AKAP6: variants seen among roughly 807,000 people sequenced by gnomAD.
AKAP6 encodes A-kinase anchoring protein 6.
A neutral mutation model predicts 188.5 loss-of-function variants in AKAP6; 58 were observed. That is an observed-to-expected ratio of 0.31 (90% CI 0.25 to 0.38). The LOEUF (loss-of-function observed/expected upper bound fraction) is 0.38, where lower values mean the gene tolerates loss of function less well. AKAP6 is among the 10% of genes least tolerant of loss of function. AKAP6 has a pLI of 1.00. For synonymous variants in AKAP6, 989 were observed against 998.6 expected (o/e 0.99, Z 0.18); for missense variants, 2,710 against 2,740.0 (o/e 0.99, Z 0.24).
intron 4 of AKAP6, among the ~76,000 whole-genome samples, chr14:32,552,598 A>G (rs1223025712): frequency 6.6e-6 from 1 of 152,384 alleles, no homozygotes; most frequent in East Asian, 1.9e-4. Flanking sequence ...GGAAAAAAAC[A>G]GACTTAATGA....
intron 9 of AKAP6, 49 bp from the exon 10 acceptor site, chr14:32,732,405 A>G: frequency 3.9e-6 from 6 of 1,557,596 alleles, no homozygotes; most frequent in Non-Finnish European, 4.3e-6. Context: ...ATGATTTTCT[A>G]AGAACACCTC....
At chr14:32,528,142 T>C (rs962858015) in intron 2 of AKAP6, among the ~76,000 whole-genome samples, 1 of 152,222 alleles carries the variant, frequency 6.6e-6, no homozygotes, top group Non-Finnish European at 1.5e-5. Context: ...GTAAGGTCTA[T>C]GTCTAGGATT....
intron 1 of AKAP6, among the ~76,000 whole-genome samples, chr14:32,371,071 A>G (rs751746315): frequency 5.9e-5 from 9 of 151,458 alleles, no homozygotes; most frequent in Non-Finnish European, 8.8e-5. Context: ...AAACTGTGGC[A>G]AGAGAACTTC....
intron 3 of AKAP6, among the ~76,000 whole-genome samples, chr14:32,544,539 A>G (rs1883101786): frequency 6.6e-6 from 1 of 152,166 alleles, no homozygotes; most frequent in Non-Finnish European, 1.5e-5. Context: ...ACAGCTCGCA[A>G]ACACCAGTGG....
At chr14:32,811,738 C>T (rs2034241140) in intron 12 of AKAP6, among the ~76,000 whole-genome samples, 1 of 152,108 alleles carries the variant, frequency 6.6e-6, no homozygotes, top group Non-Finnish European at 1.5e-5. Context: ...CTGTAAAGGG[C>T]ACGGTTCCTA....
At chr14:32,636,052 T>C (rs551574404) in intron 7 of AKAP6, among the ~76,000 whole-genome samples, 2 of 152,154 alleles carry the variant, frequency 1.3e-5, no homozygotes, top group Non-Finnish European at 2.9e-5. Flanking sequence ...GTAAGGACTT[T>C]GTATTTTGCC....
intron 7 of AKAP6, among the ~76,000 whole-genome samples, chr14:32,622,817 G>T (rs774601360): frequency 1.3e-5 from 2 of 152,128 alleles, no homozygotes; most frequent in African/African-American, 2.4e-5. Flanking sequence ...CACCCAAGGT[G>T]AAGGTGGGCA....
chr14:32,554,446 T>C (rs1246897916), intron 4 of AKAP6, among the ~76,000 whole-genome samples: 1 of 152,212 alleles, frequency 6.6e-6, no homozygotes, highest in Non-Finnish European at 1.5e-5. Flanking sequence ...ATTTTACAGA[T>C]GAGGACTCCA....
chr14:32,569,797 T>C (rs1011746535), intron 4 of AKAP6, among the ~76,000 whole-genome samples: 1 of 152,192 alleles, frequency 6.6e-6, no homozygotes, highest in African/African-American at 2.4e-5. Context: ...AAACAAACCT[T>C]TACTGTGGAT....
At chr14:32,361,503 G>A (rs1386106700) in intron 1 of AKAP6, among the ~76,000 whole-genome samples, 1 of 152,176 alleles carries the variant, frequency 6.6e-6, no homozygotes, top group Non-Finnish European at 1.5e-5. Context: ...AGCACAGTAA[G>A]TAGTGAATCA....
At chr14:32,402,788 G>A (rs1312284222) in intron 1 of AKAP6, among the ~76,000 whole-genome samples, 2 of 151,718 alleles carry the variant, frequency 1.3e-5, no homozygotes, top group Non-Finnish European at 2.9e-5. Context: ...GGAATACAGT[G>A]GCGTGATCTC....
At chr14:32,627,756 T>G (rs954447315) in intron 7 of AKAP6, among the ~76,000 whole-genome samples, 7 of 152,290 alleles carry the variant, frequency 4.6e-5, no homozygotes, top group African/African-American at 1.7e-4. Context: ...CCCACACTTC[T>G]AAGTTTAACA....
intron 2 of AKAP6, among the ~76,000 whole-genome samples, chr14:32,453,757 C>T (rs1367897402): frequency 6.6e-6 from 1 of 150,458 alleles, no homozygotes; most frequent in Admixed American, 6.6e-5. Context: ...CCACTGCGCC[C>T]GGCTAATTTT....
At position 32,359,542 on chromosome 14, in the gene AKAP6, T is replaced by G. The variant is rs77800594; in HGVS notation, c.-35+30134T>G. On this transcript the variant is annotated intron_variant, in intron 1 of 13. Transcript: ENST00000280979. ...ATCTAAGAAATTAATACATTACTAT[T>G]AACTAAACTACTGCATAGACTTTTT... Among the ~76,000 whole-genome samples the G allele has an allele frequency of 3.3e-4, 50 of 151,310 alleles. No individual in the cohort carries two copies. The East Asian group carries it at 9.5e-3, about 29-fold the overall frequency.
chr14:32,789,492 C>T (rs969044020), intron 12 of AKAP6, among the ~76,000 whole-genome samples: 3 of 152,182 alleles, frequency 2.0e-5, no homozygotes, highest in Non-Finnish European at 4.4e-5. Flanking sequence ...CAGGTCAGTA[C>T]CCTACTGGAA....
chr14:32,821,802 T>C lies in AKAP6; in HGVS notation c.3989T>C (p.Phe1330Ser). The change falls in exon 13 of 14, where the codon TTT becomes TCT. Residue 1330 changes from phenylalanine to serine, a missense_variant. Physicochemically the swap from Phe to Ser is radical, Grantham distance 155. This residue lies in a region of AKAP6 where 2,473 missense variants were observed against 2,426.1 expected (regional missense o/e 1.02). Transcript: ENST00000280979. ...LTKSLSKDSS[F>S]SSTKSLPDLL... is the part of the protein sequence containing the mutation. ...AAGAGTCTCAGTAAAGACTCTTCAT[T>C]TTCATCTACCAAATCTTTGCCAGAT... is the stretch of plus-strand genomic sequence containing the variant. 3 of 1,613,870 alleles carry C rather than the reference T, an allele frequency of 1.9e-6. No homozygotes were observed. The highest frequency in any genetic ancestry group is 2.5e-6 in the Non-Finnish European group (3 of 1,179,918).
intron 2 of AKAP6, among the ~76,000 whole-genome samples, chr14:32,532,185 G>A (rs1882448526): frequency 6.6e-6 from 1 of 152,134 alleles, no homozygotes. Context: ...GCATTTGAAC[G>A]GGTGTAAACT....
chr14:32,664,557 A>C (rs1199333204), intron 7 of AKAP6, among the ~76,000 whole-genome samples: 1 of 152,166 alleles, frequency 6.6e-6, no homozygotes, highest in Non-Finnish European at 1.5e-5. Context: ...AATTTTGTTT[A>C]AGAACATTCC....
intron 1 of AKAP6, among the ~76,000 whole-genome samples, chr14:32,336,052 A>T (rs1364110344): frequency 6.6e-6 from 1 of 152,000 alleles, no homozygotes; most frequent in Non-Finnish European, 1.5e-5. Context: ...TGTTTATAAT[A>T]ATGAGATGCT....
Sources: gnomAD v4.1 joint callset for allele counts (sites outside exome capture counted in the v4.1 genomes callset) on GRCh38, gnomAD v4.1.1 for gene constraint, gnomAD v4.1.1 regional missense constraint, MANE v1.5 for transcripts, NCBI Gene and HGNC (gene_info 2026-07-23, HGNC 2026-07-21) for gene names.